LPP: variants seen among roughly 807,000 people sequenced by gnomAD.
LPP encodes lipoma-preferred partner.
LPP carries 38 observed loss-of-function variants against 60.4 expected under a neutral mutation model. The ratio of observed to expected loss-of-function variants is 0.63; its 90% CI spans 0.49 to 0.83. LPP has a LOEUF of 0.83. LPP is among the 40% of genes least tolerant of loss of function. The pLI, the probability that LPP is intolerant of heterozygous loss-of-function variation, is 0.00. For synonymous variants in LPP, 328 were observed against 290.8 expected (o/e 1.13, Z -1.30); for missense variants, 902 against 783.6 (o/e 1.15, Z -1.80).
Position 188,889,240 on chromosome 3 carries a change from CT to C in LPP, c.*14762del, listed in dbSNP as rs1297093022. ...GGCTTTTGTTTCCATAGTTCCATCA[CT>C]GACAAAACTGTCAATACTGTTGATG... On this transcript the variant is annotated 3_prime_UTR_variant, in exon 12 of 12. Coordinates refer to ENST00000617246, the MANE Select transcript of LPP (RefSeq NM_001375462.1). 4.3e-6 allele frequency: 1 copy of C among 230,428 alleles called. No individual in the cohort carries two copies. Among genetic ancestry groups the C allele is most frequent in the Admixed American group, 5.7e-5 (1 of 17,692 alleles). 14.3% of individuals were successfully genotyped at this position (230,428 alleles called of 1,614,324 possible). A position where few individuals can be genotyped will look rare whatever the true frequency, so the allele number is the denominator to read the frequency against.
At position 188,322,204 on chromosome 3, in the gene LPP, G is replaced by A. The variant is rs113191344; in HGVS notation, c.-66-19459G>A. ...AGGTTGTGAGGATAACAATGAAAAG[G>A]CAAGTTTAAGCTTGGACTGTAGATA... is the stretch of plus-strand genomic sequence containing the variant. On this transcript the variant is annotated intron_variant, in intron 2 of 11. Transcript: ENST00000617246. Among the ~76,000 whole-genome samples the A allele has an allele frequency of 4.6e-3, 695 of 152,254 alleles. 3 individuals are homozygous for A. Among genetic ancestry groups the A allele is most frequent in the African/African-American group, 0.015 (635 of 41,558 alleles).
chr3:188,555,898 G>A (rs766089842), intron 6 of LPP, among the ~76,000 whole-genome samples: 6 of 151,998 alleles, frequency 3.9e-5, no homozygotes, highest in Non-Finnish European at 8.8e-5. Context: ...TATCACCTAA[G>A]GTAATGGAGG....
intron 8 of LPP, chr3:188,712,381 G>A (rs1396945414): frequency 6.6e-6 from 1 of 152,266 alleles, no homozygotes; most frequent in African/African-American, 2.4e-5. Flanking sequence ...TCCTAGGAAG[G>A]ACAAGAGAGT....
At position 188,447,175 on chromosome 3, in the gene LPP, A is replaced by C. The variant is rs567463750; in HGVS notation, c.194-37417A>C. Among the ~76,000 whole-genome samples, 92 of 152,342 alleles carry C rather than the reference A, an allele frequency of 6.0e-4. 1 individual carries two copies. Among genetic ancestry groups the C allele is most frequent in the African/African-American group, 2.0e-3 (85 of 41,580 alleles). On this transcript the variant is annotated intron_variant, in intron 4 of 11. Transcript: ENST00000617246. ...GGGAGTTTTATAAAACACAAATGCC[A>C]GGGCTTCAACTTGAGAGACTCTGAT... is the stretch of plus-strand genomic sequence containing the variant.
intron 4 of LPP, among the ~76,000 whole-genome samples, chr3:188,453,459 A>G (rs539346511): frequency 2.0e-5 from 3 of 152,120 alleles, no homozygotes; most frequent in African/African-American, 7.2e-5. Context: ...ATGTGTTCAC[A>G]ATGCCTGGGG....
rs151212067 is a variant in LPP, at chr3:188,383,034, C to T, written c.-9-23078C>T. On this transcript the variant is annotated intron_variant, in intron 3 of 11. Transcript: ENST00000617246. Reference sequence around the variant, plus strand: ...GAGAGGGTTACTCCTATATTTGGTTCAAGTCAATCTGGGTGCTGGTTTATA... The same window carrying T: ...GAGAGGGTTACTCCTATATTTGGTTTAAGTCAATCTGGGTGCTGGTTTATA... 1.7e-3 allele frequency among the ~76,000 whole-genome samples: 260 copies of T among 152,306 alleles called. 2 individuals carry two copies. The highest frequency in any genetic ancestry group is 6.0e-3 in the African/African-American group (251 of 41,568).
chr3:188,250,253 T>C (rs1728661202), intron 2 of LPP, among the ~76,000 whole-genome samples: 1 of 152,236 alleles, frequency 6.6e-6, no homozygotes, highest in Non-Finnish European at 1.5e-5. Context: ...TTGACACTTT[T>C]GTTCTCCCCC....
At chr3:188,490,353 C>T (rs1807948243) in intron 5 of LPP, among the ~76,000 whole-genome samples, 1 of 152,102 alleles carries the variant, frequency 6.6e-6, no homozygotes, top group Non-Finnish European at 1.5e-5. Context: ...CTTGTGAAAA[C>T]AATTCAAAGC....
intron 9 of LPP, among the ~76,000 whole-genome samples, chr3:188,796,975 T>A (rs1439540406): frequency 1.3e-5 from 2 of 152,174 alleles, no homozygotes; most frequent in African/African-American, 2.4e-5. Flanking sequence ...ATCTTTCCCT[T>A]CTAAAACTTC....
At position 188,799,208 on chromosome 3, in the gene LPP, A is replaced by G. The variant is rs750631390; in HGVS notation, c.1410+38926A>G. Among the ~76,000 whole-genome samples, 388 of 152,358 alleles carry G rather than the reference A, an allele frequency of 2.5e-3. 4 individuals carry two copies. Among genetic ancestry groups the G allele is most frequent in the Non-Finnish European group, 2.1e-3 (146 of 68,026 alleles). ...AGCCAGTTGATAGTTTTACTCTCAC[A>G]GCCTCTCCTGTAACTAATAAAGTCT... On this transcript the variant is annotated intron_variant, in intron 9 of 11. Coordinates refer to ENST00000617246, the MANE Select transcript of LPP (RefSeq NM_001375462.1).
chr3:188,422,913 T>TTTTGTG (rs1553893974), intron 4 of LPP, among the ~76,000 whole-genome samples: 2 of 133,806 alleles, frequency 1.5e-5, no homozygotes, highest in Non-Finnish European at 3.2e-5. Flanking sequence ...GGTGTCTTCT[T>TTTTGTG]TGTGTGTGTG....
At chr3:188,552,712 T>G (rs1828475194) in intron 6 of LPP, among the ~76,000 whole-genome samples, 2 of 152,140 alleles carry the variant, frequency 1.3e-5, no homozygotes, top group South Asian at 2.1e-4. Flanking sequence ...CATAGTCATG[T>G]CTCTCTGACC....
At chr3:188,668,488 C>T (rs182722533) in intron 7 of LPP, among the ~76,000 whole-genome samples, 1 of 152,238 alleles carries the variant, frequency 6.6e-6, no homozygotes, top group East Asian at 1.9e-4. Flanking sequence ...ATAATTGCTT[C>T]CATACAAGTA....
At position 188,163,149 on chromosome 3, in the gene LPP, C is replaced by T. The variant is rs191278486; in HGVS notation, c.-190+8897C>T. On this transcript the variant is annotated intron_variant, in intron 1 of 11. Coordinates refer to ENST00000617246, the MANE Select transcript of LPP (RefSeq NM_001375462.1). The stretch of plus-strand genomic sequence containing the variant: ...GTTTGCACTGTTTGTATCTGTTACC[C>T]GTGGAGGGTCTGCTTCTACTGTTGT... Among the ~76,000 whole-genome samples, 7 of 152,194 alleles carry T rather than the reference C, an allele frequency of 4.6e-5. No homozygotes were observed. The East Asian group carries it at 5.8e-4, about 13-fold the overall frequency.
At chr3:188,547,111 C>T (rs1826855917) in intron 6 of LPP, among the ~76,000 whole-genome samples, 1 of 152,086 alleles carries the variant, frequency 6.6e-6, no homozygotes, top group Non-Finnish European at 1.5e-5. Flanking sequence ...CTTTTCAGAG[C>T]ATTTAAGCAT....
intron 1 of LPP, among the ~76,000 whole-genome samples, chr3:188,220,196 G>C (rs6809735): frequency 0.026 from 4,020 of 152,202 alleles, 184 homozygotes; most frequent in African/African-American, 0.092. Context: ...AAAATGGTCT[G>C]ATTCTCCCGG....
At chr3:188,552,886 A>C (rs1438104210) in intron 6 of LPP, among the ~76,000 whole-genome samples, 2 of 152,144 alleles carry the variant, frequency 1.3e-5, no homozygotes, top group Non-Finnish European at 2.9e-5. Flanking sequence ...GAGTGTGTAC[A>C]TTCTTGGCGG....
rs148723751 is a variant in LPP, at chr3:188,254,196, T to C, written c.-67+28669T>C. 1.5e-3 allele frequency among the ~76,000 whole-genome samples: 228 copies of C among 152,316 alleles called. 1 individual carries two copies. Among genetic ancestry groups the C allele is most frequent in the Admixed American group, 3.1e-3 (48 of 15,294 alleles). ...CTCTACAAATGATGTATTCCAAAAC[T>C]GCAAAAGAGAGTGAAAGCCAAAACA... is the stretch of plus-strand genomic sequence containing the variant. On this transcript the variant is annotated intron_variant, in intron 2 of 11. Coordinates refer to ENST00000617246, the MANE Select transcript of LPP (RefSeq NM_001375462.1).
intron 3 of LPP, 68 bp downstream of exon 3, chr3:188,341,787 T>G (rs945286701): frequency 1.8e-6 from 1 of 551,746 alleles, no homozygotes; most frequent in Admixed American, 6.4e-5. Context: ...AATGTTGATT[T>G]TAGAAGAAAT....
Sources: allele counts gnomAD v4.1 joint callset (sites outside exome capture counted in the v4.1 genomes callset), GRCh38; gene constraint gnomAD v4.1.1; transcripts MANE v1.5; gene names NCBI Gene and HGNC (gene_info 2026-07-23, HGNC 2026-07-21).